Variants in PLCB1 observed in about 807,000 individuals in gnomAD.
PLCB1 encodes 1-phosphatidylinositol 4,5-bisphosphate phosphodiesterase beta-1.
Under a neutral mutation model 161.8 loss-of-function variants are expected in PLCB1, and 46 were observed. The ratio of observed to expected loss-of-function variants is 0.28; its 90% CI spans 0.22 to 0.36. The LOEUF (loss-of-function observed/expected upper bound fraction) is 0.36, where lower values mean the gene tolerates loss of function less well. Ranked by LOEUF, PLCB1 falls within the 10% of genes least tolerant of loss-of-function variation. The pLI is 1.00. For synonymous variants in PLCB1, 517 were observed against 503.7 expected, an observed-to-expected ratio of 1.03 and a Z score of -0.35; for missense variants, 1,016 against 1,472.5, an observed-to-expected ratio of 0.69 and a Z score of 5.07.
At chr20:8,690,053 A>C (rs557944451) in intron 10 of PLCB1, among the ~76,000 whole-genome samples, 1 of 148,858 alleles carries the variant, frequency 6.7e-6, no homozygotes, top group East Asian at 2.0e-4. Flanking sequence ...AATTTCTAGT[A>C]CTGTTAGAAT....
intron 3 of PLCB1, among the ~76,000 whole-genome samples, chr20:8,455,102 G>T (rs1430274027): frequency 6.6e-6 from 1 of 151,440 alleles, no homozygotes; most frequent in Admixed American, 6.6e-5. Context: ...GGAAGCCGAG[G>T]TGGGCAGATC....
In PLCB1 at chr20:8,537,184, A is replaced by G. The variant is rs1287174134; in HGVS notation, c.247-91110A>G. On this transcript the variant is annotated intron_variant, in intron 3 of 31. Coordinates refer to ENST00000338037, the MANE Select transcript of PLCB1 (RefSeq NM_015192.4). ...GAGTGAAAGTTTATTAAAAAGCTTT[A>G]GAGCAGAAATGAAAAGAAAGTAAAG... 2.0e-5 allele frequency among the ~76,000 whole-genome samples: 3 copies of G among 152,188 alleles called. No homozygotes were observed. The East Asian group carries it at 5.8e-4, about 29-fold the overall frequency.
At chr20:8,864,846 T>A (rs927510967) in intron 31 of PLCB1, among the ~76,000 whole-genome samples, 8 of 152,202 alleles carry the variant, frequency 5.3e-5, no homozygotes, top group African/African-American at 1.9e-4. Flanking sequence ...TGCATCAGAA[T>A]GGCTTTTAAT....
chr20:8,850,039 G>A (rs142026167), intron 31 of PLCB1, among the ~76,000 whole-genome samples: 3,746 of 152,160 alleles, frequency 0.025, 82 homozygotes, highest in Non-Finnish European at 0.039. Flanking sequence ...GAAGCAGCCC[G>A]GCCCTAGAAC....
chr20:8,491,444 A>T (rs184080403), intron 3 of PLCB1, among the ~76,000 whole-genome samples: 13 of 152,196 alleles, frequency 8.5e-5, no homozygotes, highest in Non-Finnish European at 1.5e-4. Context: ...CAAGGACTCT[A>T]ATGACTTTTA....
rs564457942 is a variant in PLCB1, at chr20:8,548,138, C to G, written c.247-80156C>G. On this transcript the variant is annotated intron_variant, in intron 3 of 31. Transcript: ENST00000338037. ...CCTTCCTTTTCTTTTTTTCCATTCT[C>G]TCCTTCTTTCTTTCTCTCTTTCTCT... Among the ~76,000 whole-genome samples the G allele has an allele frequency of 2.0e-5, 3 of 148,156 alleles. No individual in the cohort carries two copies. The South Asian group carries it at 6.5e-4, about 32-fold the overall frequency.
intron 31 of PLCB1, among the ~76,000 whole-genome samples, chr20:8,879,468 A>AAAT (rs1987897339): frequency 6.6e-6 from 1 of 152,200 alleles, no homozygotes; most frequent in Non-Finnish European, 1.5e-5. Context: ...AAAATCAAAC[A>AAAT]AATTAATATG....
intron 3 of PLCB1, among the ~76,000 whole-genome samples, chr20:8,536,842 G>T (rs1985072261): frequency 6.6e-6 from 1 of 152,300 alleles, no homozygotes; most frequent in Middle Eastern, 3.4e-3. Flanking sequence ...CTGCATGGGG[G>T]AATATCATAC....
intron 27 of PLCB1, among the ~76,000 whole-genome samples, chr20:8,784,436 G>A (rs890253029): frequency 2.0e-5 from 3 of 152,096 alleles, no homozygotes; most frequent in East Asian, 1.9e-4. Flanking sequence ...GGTGGCACAC[G>A]CCTGGAATCC....
chr20:8,726,174 C>A (rs75689651), intron 16 of PLCB1, among the ~76,000 whole-genome samples: 2,723 of 152,128 alleles, frequency 0.018, 79 homozygotes, highest in African/African-American at 0.062. Flanking sequence ...AAATTCAGAG[C>A]TATATAACCA....
intron 2 of PLCB1, among the ~76,000 whole-genome samples, chr20:8,250,908 A>T (rs1210722656): frequency 6.6e-6 from 1 of 152,016 alleles, no homozygotes; most frequent in Non-Finnish European, 1.5e-5. Context: ...TGATACAAAC[A>T]AAACAACATA....
intron 3 of PLCB1, among the ~76,000 whole-genome samples, chr20:8,488,369 T>G (rs1362027064): frequency 6.6e-6 from 1 of 152,138 alleles, no homozygotes; most frequent in African/African-American, 2.4e-5. Context: ...TGCCAGCTCC[T>G]TCCTCTGCCC....
chr20:8,665,544 G>A (rs181351401), intron 9 of PLCB1, among the ~76,000 whole-genome samples: 22 of 152,084 alleles, frequency 1.4e-4, no homozygotes. Context: ...AAAAAAATAT[G>A]GCATGTCACA....
chr20:8,452,484 T>C (rs1260102289), intron 3 of PLCB1, among the ~76,000 whole-genome samples: 2 of 152,224 alleles, frequency 1.3e-5, no homozygotes, highest in Non-Finnish European at 2.9e-5. Flanking sequence ...TTCAAACATT[T>C]ATTGTTTTTC....
chr20:8,457,712 G>GCACACA (rs1431415455), intron 3 of PLCB1, among the ~76,000 whole-genome samples: 1 of 70,668 alleles, frequency 1.4e-5, no homozygotes, highest in African/African-American at 7.7e-5. Flanking sequence ...TAATGTGTGC[G>GCACACA]CGCACACACA....
intron 26 of PLCB1, among the ~76,000 whole-genome samples, chr20:8,771,453 T>C (rs560830927): frequency 2.4e-4 from 37 of 152,192 alleles, no homozygotes; most frequent in African/African-American, 8.4e-4. Flanking sequence ...AGCTCTTAGC[T>C]TCTGAGAAAA....
intron 26 of PLCB1, among the ~76,000 whole-genome samples, chr20:8,767,257 A>G (rs976475670): frequency 2.0e-5 from 3 of 152,100 alleles, no homozygotes; most frequent in African/African-American, 7.2e-5. Context: ...GTAGGGACTG[A>G]GCTTCTGAGC....
intron 20 of PLCB1, 131 bp downstream of exon 20, chr20:8,737,323 G>C: frequency 1.4e-6 from 1 of 738,028 alleles, no homozygotes; most frequent in East Asian, 2.8e-5. Flanking sequence ...ATTACCTTTT[G>C]AAAGCCATTC....
rs573248214 is a variant in PLCB1, at chr20:8,260,893, C to T, written c.178-110489C>T. On this transcript the variant is annotated intron_variant, in intron 2 of 31. Transcript: ENST00000338037. ...AACTGCCCTGGGCTGACAGGAGTCC[C>T]CTTTCCCAGAGATGCCTTGTAGTTT... Among the ~76,000 whole-genome samples the T allele has an allele frequency of 2.8e-4, 43 of 152,240 alleles. No individual in the cohort carries two copies. The South Asian group carries it at 8.3e-3, about 29-fold the overall frequency.
Sources: allele counts gnomAD v4.1 joint callset (sites outside exome capture counted in the v4.1 genomes callset), GRCh38; gene constraint gnomAD v4.1.1; transcripts MANE v1.5; gene names NCBI Gene and HGNC (gene_info 2026-07-23, HGNC 2026-07-21).